Variants in MRM2 observed in about 807,000 individuals in gnomAD.
MRM2 encodes mitochondrial rRNA methyltransferase 2.
In MRM2, 15 loss-of-function variants were observed where a neutral mutation model predicts 10.9. The observed-to-expected ratio is 1.37, with a 90% CI of 0.92 to 2.11. The LOEUF (loss-of-function observed/expected upper bound fraction) is 2.11. Among genes scored for constraint, MRM2 ranks in the 30% most tolerant of loss-of-function variants. The pLI, the probability that MRM2 is intolerant of heterozygous loss-of-function variation, is 0.00. For synonymous variants in MRM2, 139 were observed against 128.7 expected, an observed-to-expected ratio of 1.08 and a Z score of -0.54; for missense variants, 328 against 321.3, an observed-to-expected ratio of 1.02 and a Z score of -0.16.
chr7:2,237,891 C>CAAAAAAAAA (rs11323829), intron 2 of MRM2: 11 of 82,174 alleles, frequency 1.3e-4, no homozygotes, highest in Middle Eastern at 7.0e-3. Flanking sequence ...GCTCTATAAA[C>CAAAAAAAAA]AAAAAAAAAA....
At chr7:2,241,976 T>A (rs1794554930) in intron 1 of MRM2, 186 bp downstream of exon 1, 1 of 586,264 alleles carries the variant, frequency 1.7e-6, no homozygotes, top group African/African-American at 2.0e-5. Context: ...CCTGGAGACC[T>A]GAGGGCGCCC....
Position 2,235,436 on chromosome 7 carries a change from G to C in MRM2, c.427C>G (p.Leu143Val). 1 of 1,614,094 alleles carries C rather than the reference G, an allele frequency of 6.2e-7. No homozygotes were observed. Among genetic ancestry groups the C allele is most frequent in the Non-Finnish European group, 8.5e-7 (1 of 1,180,038 alleles). ...PRTSQRILEV[L>V]PGRRADVILS... The stretch of plus-strand genomic sequence containing the variant: ...ATCACATCTGCTCTCCTGCCAGGAA[G>C]CACCTCGAGGATTCTCTGTGAGGTT... The change falls in exon 3 of 3, where the codon CTT (leucine) becomes GTT (valine). Residue 143 changes from leucine (L) to valine (V), a missense_variant. Transcript: ENST00000242257.
At position 2,236,273 on chromosome 7, in the gene MRM2, A is replaced by C. The variant is rs555034862; in HGVS notation, c.299-709T>G. Among the ~76,000 whole-genome samples, 19 of 152,342 alleles carry C rather than the reference A, an allele frequency of 1.2e-4. 1 individual carries two copies. In the South Asian group the frequency reaches 3.9e-3, roughly 32 times the overall value. On this transcript the variant is annotated intron_variant, in intron 2 of 2. Coordinates refer to ENST00000242257, the MANE Select transcript of MRM2 (RefSeq NM_013393.3). ...AAAAGAAAATAATAAACTAGTACAT[A>C]AAGTGCCTCTGGATTAAATCAAGAA...
intron 2 of MRM2, among the ~76,000 whole-genome samples, chr7:2,237,179 TG>T (rs1794433486): frequency 6.6e-6 from 1 of 152,172 alleles, no homozygotes; most frequent in Non-Finnish European, 1.5e-5. Context: ...GCTAATTTTT[TG>T]TAGAGACGGG....
rs1351543471 is a variant in MRM2, at chr7:2,234,197, C to T, written c.*925G>A. The T allele has an allele frequency of 1.3e-5, 2 of 152,118 alleles. No homozygotes were observed. Among genetic ancestry groups the T allele is most frequent in the South Asian group, 4.1e-4 (2 of 4,828 alleles). The allele number at this position is 152,118 out of a possible 1,614,324, so 9.4% of individuals were successfully genotyped here. ...AACAAAACTTCAAAGCATGAAAGTACCTTAAAATAATGCAATCTCTATTAT... is the reference window on the plus strand; with the variant it reads ...AACAAAACTTCAAAGCATGAAAGTATCTTAAAATAATGCAATCTCTATTAT... On this transcript the variant is annotated 3_prime_UTR_variant, in exon 3 of 3. Coordinates refer to ENST00000242257, the MANE Select transcript of MRM2 (RefSeq NM_013393.3).
intron 2 of MRM2, chr7:2,238,297 T>C (rs1416651624): frequency 6.6e-6 from 1 of 152,236 alleles, no homozygotes; most frequent in Non-Finnish European, 1.5e-5. Flanking sequence ...AAAAGCAACC[T>C]TGATGCCACA....
intron 2 of MRM2, 89 bp downstream of exon 2, chr7:2,239,329 C>T: frequency 7.6e-7 from 1 of 1,319,524 alleles, no homozygotes; most frequent in Non-Finnish European, 1.1e-6. Flanking sequence ...AGGGCTCCAC[C>T]ATCCCGCATC....
In MRM2 at chr7:2,234,858, C is replaced by A; in HGVS notation, c.*264G>T. The A allele has an allele frequency of 2.1e-6, 1 of 480,838 alleles. No homozygotes were observed. The highest frequency in any genetic ancestry group is 3.7e-6 in the Non-Finnish European group (1 of 268,302). The allele number at this position is 480,838 out of a possible 1,614,324, so 29.8% of individuals were successfully genotyped here. ...CCACAGTCTGTTTTTCTCCATCCTTCCATCCTCACCTCTTTCTCTTGATAA... is the reference window on the plus strand; with the variant it reads ...CCACAGTCTGTTTTTCTCCATCCTTACATCCTCACCTCTTTCTCTTGATAA... On this transcript the variant is annotated 3_prime_UTR_variant, in exon 3 of 3. Transcript: ENST00000242257.
At chr7:2,237,726 G>C (rs1020231455) in intron 2 of MRM2, among the ~76,000 whole-genome samples, 1 of 152,054 alleles carries the variant, frequency 6.6e-6, no homozygotes, top group Admixed American at 6.6e-5. Context: ...CGGATCACCT[G>C]AGGCCTGGAG....
At chr7:2,236,593 G>A (rs188057196) in intron 2 of MRM2, among the ~76,000 whole-genome samples, 12 of 152,300 alleles carry the variant, frequency 7.9e-5, no homozygotes, top group African/African-American at 1.4e-4. Flanking sequence ...GGCGTGAGGC[G>A]TCCCATTTTC....
intron 1 of MRM2, among the ~76,000 whole-genome samples, chr7:2,240,605 A>G (rs1470399104): frequency 6.6e-6 from 1 of 152,198 alleles, no homozygotes; most frequent in Admixed American, 6.5e-5. Flanking sequence ...CAATAAATGT[A>G]ACAATTTATT....
chr7:2,239,366 C>T, intron 2 of MRM2, 52 bp downstream of exon 2: 2 of 1,556,778 alleles, frequency 1.3e-6, no homozygotes, highest in East Asian at 4.6e-5. Context: ...TTGCCCATGC[C>T]CACTCAGCCT....
At chr7:2,235,764 C>G (rs973939106) in intron 2 of MRM2, among the ~76,000 whole-genome samples, 200 bp from the exon 3 acceptor site, 4 of 152,174 alleles carry the variant, frequency 2.6e-5, no homozygotes, top group African/African-American at 9.7e-5. Context: ...GCCTTAACAT[C>G]TGAGAAGCTG....
Position 2,235,558 on chromosome 7 carries a change from C to G in MRM2, c.305G>C (p.Ser102Thr). Residue 102 changes from serine (S) to threonine (T), a missense_variant, in exon 3 of 3, where the codon AGC becomes ACC. Physicochemically the swap from Ser to Thr is moderately conservative, Grantham distance 58. Coordinates refer to ENST00000242257, the MANE Select transcript of MRM2 (RefSeq NM_013393.3). Reference sequence around the variant, plus strand: ...CCCAAGCACGAAGCCAACAGGAGAGCTGGGATCTATGGAAGAAATGGTGAA... The same window carrying G: ...CCCAAGCACGAAGCCAACAGGAGAGGTGGGATCTATGGAAGAAATGGTGAA... ...QKVNAAGTDP[S>T]SPVGFVLGVD... The G allele has an allele frequency of 1.2e-6, 2 of 1,602,878 alleles. No homozygotes were observed. Among genetic ancestry groups the G allele is most frequent in the Middle Eastern group, 1.7e-4 (1 of 6,018 alleles).
Position 2,239,716 on chromosome 7 carries a change from A to G in MRM2, c.9-9T>C, listed in dbSNP as rs192650810. The G allele has an allele frequency of 5.8e-5, 93 of 1,607,780 alleles. No homozygotes were observed. The African/African-American group carries it at 1.2e-3, about 21-fold the overall frequency. On this transcript the variant is annotated splice_polypyrimidine_tract_variant and intron_variant, in intron 1 of 2. Transcript: ENST00000242257. ...ACACCAGCTTCAAGTACCTGGTGGG[A>G]GAGAAGAGGAGCAGGCAGGTTGGCA...
At chr7:2,241,477 C>A (rs896169837) in intron 1 of MRM2, among the ~76,000 whole-genome samples, 1 of 149,832 alleles carries the variant, frequency 6.7e-6, no homozygotes, top group African/African-American at 2.5e-5. Flanking sequence ...TTCTTAAAAA[C>A]CTTTTTTAGA....
Position 2,235,329 on chromosome 7 carries a change from G to T in MRM2, c.534C>A (p.Leu178=). ...DRLISLCLTL[L]SVTPDILQPG... is the part of the protein sequence containing the mutation. The stretch of plus-strand genomic sequence containing the variant: ...GTTGCAGGATGTCTGGGGTCACGCT[G>T]AGAAGGGTCAGGCACAGGCTGATGA... The change falls in exon 3 of 3, where the codon CTC becomes CTA. Residue 178 remains leucine (L), a synonymous_variant. Coordinates refer to ENST00000242257, the MANE Select transcript of MRM2 (RefSeq NM_013393.3). 1 of 1,614,134 alleles carries T rather than the reference G, an allele frequency of 6.2e-7. No homozygotes were observed. Among genetic ancestry groups the T allele is most frequent in the Non-Finnish European group, 8.5e-7 (1 of 1,180,018 alleles).
chr7:2,242,121 A>C (rs1211985629), intron 1 of MRM2, 41 bp downstream of exon 1: 3 of 1,578,214 alleles, frequency 1.9e-6, no homozygotes, highest in Non-Finnish European at 2.6e-6. Flanking sequence ...ACCCCCAACC[A>C]CTCCCGCTGT....
chr7:2,239,177 G>C (rs1400685554), intron 2 of MRM2: 7 of 779,718 alleles, frequency 9.0e-6, no homozygotes, highest in African/African-American at 8.5e-5. Context: ...GCTGGTGCTG[G>C]TACCTGCGGG....
Sources: allele counts gnomAD v4.1 joint callset (sites outside exome capture counted in the v4.1 genomes callset), GRCh38; gene constraint gnomAD v4.1.1; transcripts MANE v1.5; gene names NCBI Gene and HGNC (gene_info 2026-07-23, HGNC 2026-07-21).